Variants in DDX49 observed in about 807,000 individuals in gnomAD.
DDX49 encodes the protein DEAD-box helicase 49, also known as probable ATP-dependent RNA helicase DDX49.
DDX49 carries 50 observed loss-of-function variants against 56.3 expected under a neutral mutation model. That is an observed-to-expected ratio of 0.89 (90% CI 0.71 to 1.12). The LOEUF is 1.12. Ranked by LOEUF, DDX49 falls within the 50% of genes most tolerant of loss-of-function variation. The pLI, the probability that DDX49 is intolerant of heterozygous loss-of-function variation, is 0.00. For missense variants in DDX49, 614 were observed against 650.5 expected (o/e 0.94, Z 0.61); for synonymous variants, 269 against 270.6 (o/e 0.99, Z 0.06).
At chr19:18,925,196 C>A in intron 9 of DDX49, 1 of 602,928 alleles carries the variant, frequency 1.7e-6, no homozygotes, top group East Asian at 2.9e-5. Flanking sequence ...GAGGTTGCGG[C>A]AAGCTGAGAA....
chr19:18,924,375 G>T, intron 7 of DDX49, 67 bp downstream of exon 7: 1 of 1,507,372 alleles, frequency 6.6e-7, no homozygotes, highest in Non-Finnish European at 9.2e-7. Context: ...CATTGGCCCC[G>T]ATCCTTCCTT....
intron 10 of DDX49, 127 bp downstream of exon 10, chr19:18,926,504 G>T: frequency 2.0e-6 from 2 of 1,001,830 alleles, no homozygotes; most frequent in South Asian, 1.6e-5. Context: ...TTTAGGCTGG[G>T]GCTTCCTTCC....
intron 6 of DDX49, among the ~76,000 whole-genome samples, chr19:18,923,774 G>C (rs1006795889): frequency 6.6e-6 from 1 of 151,532 alleles, no homozygotes; most frequent in African/African-American, 2.4e-5. Flanking sequence ...GAGGACATCA[G>C]GCAGGCAAGC....
rs986512998 is a variant in DDX49, at chr19:18,924,352, T to C, written c.852+44T>C. 2.1e-4 allele frequency: 214 copies of C among 1,017,210 alleles called. 10 individuals are homozygous for C. The highest frequency in any genetic ancestry group is 3.1e-4 in the Admixed American group (11 of 35,642). The allele number at this position is 1,017,210 out of a possible 1,614,324, so 63.0% of individuals were successfully genotyped here. A position where few individuals can be genotyped will look rare whatever the true frequency, so the allele number is the denominator to read the frequency against. ...CCGCCAGCCTCACCCTGGGATACCTTCCCCGCCTCAGACATTGGCCCCGAT... is the reference window on the plus strand; with the variant it reads ...CCGCCAGCCTCACCCTGGGATACCTCCCCCGCCTCAGACATTGGCCCCGAT... On this transcript the variant is annotated intron_variant, in intron 7 of 12. Coordinates refer to ENST00000247003, the MANE Select transcript of DDX49 (RefSeq NM_019070.5).
chr19:18,924,085 G>A (rs2056940791), intron 6 of DDX49, 148 bp from the exon 7 acceptor site: 9 of 745,606 alleles, frequency 1.2e-5, no homozygotes, highest in Non-Finnish European at 2.1e-5. Flanking sequence ...TGGGATTACA[G>A]GCATGAGCCA....
In DDX49 at chr19:18,928,520, C is replaced by G; in HGVS notation, c.*204C>G. ...CCCTGAGCCCTGGCCAAGATTCAGG[C>G]TGCAGGGGAAGAAAGAACATGACCG... On this transcript the variant is annotated 3_prime_UTR_variant, in exon 13 of 13. Coordinates refer to ENST00000247003, the MANE Select transcript of DDX49 (RefSeq NM_019070.5). 8.7e-6 allele frequency: 5 copies of G among 574,738 alleles called. No individual in the cohort carries two copies. Among genetic ancestry groups the G allele is most frequent in the Non-Finnish European group, 1.2e-5 (4 of 334,802 alleles). The allele number at this position is 574,738 out of a possible 1,614,324, so 35.6% of individuals were successfully genotyped here. A position where few individuals can be genotyped will look rare whatever the true frequency, so the allele number is the denominator to read the frequency against.
Position 18,921,695 on chromosome 19 carries a change from G to T in DDX49, c.272G>T (p.Arg91Leu). The T allele has an allele frequency of 6.2e-7, 1 of 1,614,122 alleles. No individual in the cohort carries two copies. The highest frequency in any genetic ancestry group is 8.5e-7 in the Non-Finnish European group (1 of 1,180,016). The change falls in exon 3 of 13, where the codon CGG (arginine) becomes CTG (leucine). Residue 91 changes from arginine (R) to leucine (L), a missense_variant. By Grantham distance (102) the Arg-to-Leu change is moderately radical (BLOSUM62 -2). Coordinates refer to ENST00000247003, the MANE Select transcript of DDX49 (RefSeq NM_019070.5). ...GCCTACCAGATCGCAGAGCAGTTCC[G>T]GGTCCTGGGGAAGCCTCTAGGGCTG... ...ELAYQIAEQF[R>L]VLGKPLGLKD...
chr19:18,924,823 G>C, intron 8 of DDX49, 59 bp from the exon 9 acceptor site: 1 of 1,612,188 alleles, frequency 6.2e-7, no homozygotes, highest in Non-Finnish European at 8.5e-7. Flanking sequence ...CCCTGGGTGA[G>C]TCCTTGCCTC....
Position 18,928,453 on chromosome 19 carries a change from C to T in DDX49, c.*137C>T, listed in dbSNP as rs191275020. The T allele has an allele frequency of 2.8e-4, 236 of 850,606 alleles. 2 individuals carry two copies. The African/African-American group carries it at 3.4e-3, about 12-fold the overall frequency. The allele number at this position is 850,606 out of a possible 1,614,324, so 52.7% of individuals were successfully genotyped here. A position where few individuals can be genotyped will look rare whatever the true frequency, so the allele number is the denominator to read the frequency against. On this transcript the variant is annotated 3_prime_UTR_variant, in exon 13 of 13. Coordinates refer to ENST00000247003, the MANE Select transcript of DDX49 (RefSeq NM_019070.5). Reference sequence around the variant, plus strand: ...AGAACCCGTGGGCGCTCGTGTTGTGCGGGCCCTGCTCCTCTGCCCCGAAAC... The same window carrying T: ...AGAACCCGTGGGCGCTCGTGTTGTGTGGGCCCTGCTCCTCTGCCCCGAAAC...
chr19:18,920,815 C>A, intron 2 of DDX49, 112 bp downstream of exon 2: 1 of 1,178,502 alleles, frequency 8.5e-7, no homozygotes, highest in Non-Finnish European at 1.2e-6. Flanking sequence ...GCATGAAAAT[C>A]TTGCTACCCG....
rs929034544 is a variant in DDX49, at chr19:18,924,974, G to A, written c.1022G>A (p.Arg341His). The A allele has an allele frequency of 1.9e-6, 3 of 1,610,196 alleles. No homozygotes were observed. Among genetic ancestry groups the A allele is most frequent in the Non-Finnish European group, 2.5e-6 (3 of 1,179,682 alleles). Reference sequence around the variant, plus strand: ...ATCCACCGAGTCGGCCGGACGGCCCGTGCAGGTGAGCAGTGGAGGGGGAGG... The same window carrying A: ...ATCCACCGAGTCGGCCGGACGGCCCATGCAGGTGAGCAGTGGAGGGGGAGG... The part of the protein sequence containing the change: ...IYIHRVGRTA[R>H]AGRQGQAITL... The change falls in exon 9 of 13, where the codon CGT becomes CAT. Residue 341 changes from arginine to histidine, a missense_variant. Transcript: ENST00000247003.
At chr19:18,922,075 A>C in intron 4 of DDX49, 111 bp downstream of exon 4, 1 of 1,424,764 alleles carries the variant, frequency 7.0e-7, no homozygotes, top group Non-Finnish European at 9.4e-7. Flanking sequence ...TGTCCGTTAG[A>C]CTGTCCAGTA....
At position 18,928,226 on chromosome 19, in the gene DDX49, G is replaced by C. The variant is rs762281422; in HGVS notation, c.1362G>C (p.Gln454His). ...AGGTGGAGGAGACGCTGAAGCGACA[G>C]AAGGCTGGCAGGGCTGGCCACAAGG... Reference protein sequence around the residue: ...KEKVEETLKRQKAGRAGHKGR... With the variant: ...KEKVEETLKRHKAGRAGHKGR... Residue 454 changes from glutamine to histidine, a missense_variant, in exon 13 of 13, where the codon CAG (glutamine) becomes CAC (histidine). Coordinates refer to ENST00000247003, the MANE Select transcript of DDX49 (RefSeq NM_019070.5). 6.3e-7 allele frequency: 1 copy of C among 1,588,146 alleles called. No homozygotes were observed.
intron 4 of DDX49, 133 bp downstream of exon 4, chr19:18,922,097 AC>A (rs1227618403): frequency 3.0e-6 from 4 of 1,328,640 alleles, no homozygotes; most frequent in Non-Finnish European, 4.0e-6. Flanking sequence ...AACGCTAGGA[AC>A]AGTGACAAGG....
In DDX49 at chr19:18,927,988, CGAAAA is replaced by C; in HGVS notation, c.1219_1223del (p.Lys407GlyfsTer16). On this transcript the variant is annotated frameshift_variant, in exon 12 of 13. Coordinates refer to ENST00000247003, the MANE Select transcript of DDX49 (RefSeq NM_019070.5). LOFTEE classifies it low-confidence loss of function (END_TRUNC). ...AGAAACTGGAGGCGGCCCACTTTGACGAAAAGAAGGAGATCAACAAACGGAAGCAG... is the reference window on the plus strand; with the variant it reads ...AGAAACTGGAGGCGGCCCACTTTGACGAAGGAGATCAACAAACGGAAGCAG... 1 of 1,613,518 alleles carries C rather than the reference CGAAAA, an allele frequency of 6.2e-7. No individual in the cohort carries two copies. The highest frequency in any genetic ancestry group is 8.5e-7 in the Non-Finnish European group (1 of 1,179,922).
chr19:18,920,495 C>T (rs2056905579), intron 1 of DDX49, 85 bp from the exon 2 acceptor site: 2 of 1,419,480 alleles, frequency 1.4e-6, no homozygotes, highest in South Asian at 2.8e-5. Context: ...GCCTGCCACT[C>T]ACTGGCAGTG....
In DDX49 at chr19:18,928,473, C is replaced by G; in HGVS notation, c.*157C>G. 1.4e-6 allele frequency: 1 copy of G among 701,060 alleles called. No individual in the cohort carries two copies. The highest frequency in any genetic ancestry group is 2.3e-6 in the Non-Finnish European group (1 of 437,364). The allele number at this position is 701,060 out of a possible 1,614,324, so 43.4% of individuals were successfully genotyped here. ...TTGTGCGGGCCCTGCTCCTCTGCCCCGAAACCACTGGCTGGTCCCTTCCCT... is the reference window on the plus strand; with the variant it reads ...TTGTGCGGGCCCTGCTCCTCTGCCCGGAAACCACTGGCTGGTCCCTTCCCT... On this transcript the variant is annotated 3_prime_UTR_variant, in exon 13 of 13. Coordinates refer to ENST00000247003, the MANE Select transcript of DDX49 (RefSeq NM_019070.5).
In DDX49 at chr19:18,926,387, G is replaced by T. The variant is rs777602954; in HGVS notation, c.1102+10G>T. ...ATCGAGGAGCAGATCAGTGAGTGGG[G>T]TTGGGGTGGGTGGTAGAGAAGGAGG... On this transcript the variant is annotated intron_variant, in intron 10 of 12. Transcript: ENST00000247003. 4 of 1,011,744 alleles carry T rather than the reference G, an allele frequency of 4.0e-6. No individual in the cohort carries two copies. The African/African-American group carries it at 7.4e-5, about 19-fold the overall frequency. The allele number at this position is 1,011,744 out of a possible 1,614,324, so 62.7% of individuals were successfully genotyped here. A position where few individuals can be genotyped will look rare whatever the true frequency, so the allele number is the denominator to read the frequency against.
In DDX49 at chr19:18,926,367, G is replaced by A. The variant is rs115860110; in HGVS notation, c.1092G>A (p.Glu364=). The A allele has an allele frequency of 0.01, 15,945 of 1,559,302 alleles. 108 individuals are homozygous for A. The highest frequency in any genetic ancestry group is 0.011 in the Non-Finnish European group (12,464 of 1,151,176). The change falls in exon 10 of 13, where the codon GAG becomes GAA. Residue 364 remains glutamate, a synonymous_variant. Coordinates refer to ENST00000247003, the MANE Select transcript of DDX49 (RefSeq NM_019070.5). Reference sequence around the variant, plus strand: ...ACATCCACCTGGTGCACGCCATCGAGGAGCAGATCAGTGAGTGGGGTTGGG... The same window carrying A: ...ACATCCACCTGGTGCACGCCATCGAAGAGCAGATCAGTGAGTGGGGTTGGG... ...QYDIHLVHAI[E]EQIKKKLEEF... is the part of the protein sequence containing the mutation.
Sources: allele counts gnomAD v4.1 joint callset (sites outside exome capture counted in the v4.1 genomes callset), GRCh38; gene constraint gnomAD v4.1.1; transcripts MANE v1.5; gene names NCBI Gene and HGNC (gene_info 2026-07-23, HGNC 2026-07-21).